Variants in USH2A observed in about 807,000 individuals in gnomAD.
The protein encoded by USH2A is usherin.
Under a neutral mutation model 538.9 loss-of-function variants are expected in USH2A, and 443 were observed. The observed-to-expected ratio is 0.82, with a 90% CI of 0.76 to 0.89. The LOEUF (loss-of-function observed/expected upper bound fraction) is 0.89, where lower values mean the gene tolerates loss of function less well. Among genes scored for constraint, USH2A ranks in the 40% least tolerant of loss-of-function variants. The pLI, the probability that USH2A is intolerant of heterozygous loss-of-function variation, is 0.00. For missense variants in USH2A, 6,633 were observed against 6,324.8 expected, an observed-to-expected ratio of 1.05 and a Z score of -1.65; for synonymous variants, 2,413 against 2,273.5, an observed-to-expected ratio of 1.06 and a Z score of -1.75.
At chr1:215,781,157 C>G (rs759459529) in intron 54 of USH2A, among the ~76,000 whole-genome samples, 2 of 152,034 alleles carry the variant, frequency 1.3e-5, no homozygotes, top group Admixed American at 6.6e-5. Flanking sequence ...TCTCTATTCT[C>G]CTTCCATGTC....
intron 47 of USH2A, among the ~76,000 whole-genome samples, chr1:215,837,183 A>G (rs1029187050): frequency 1.1e-4 from 17 of 152,160 alleles, no homozygotes; most frequent in African/African-American, 4.1e-4. Flanking sequence ...AGATCCAGAA[A>G]TTTCAACATG....
rs747908401 is a variant in USH2A, at chr1:215,741,449, C to G, written c.11637G>C (p.Gly3879=). 1.2e-6 allele frequency: 2 copies of G among 1,613,862 alleles called. No homozygotes were observed. Among genetic ancestry groups the G allele is most frequent in the Admixed American group, 1.7e-5 (1 of 60,002 alleles). ...TCCACTTAATCTCTATGCAAGCTGA[C>G]CCCAGTGCCTTAAGAACAGGAGAAT... ...DLNSPVLKAL[G]SACIEIKWMP... Residue 3879 remains glycine (G), a synonymous_variant, in exon 60 of 72, where the codon GGG becomes GGC. Coordinates refer to ENST00000307340, the MANE Select transcript of USH2A (RefSeq NM_206933.4).
At chr1:216,353,632 C>A (rs1401296549) in intron 4 of USH2A, among the ~76,000 whole-genome samples, 1 of 151,942 alleles carries the variant, frequency 6.6e-6, no homozygotes, top group Non-Finnish European at 1.5e-5. Flanking sequence ...AGTCAGTGAC[C>A]AGCCATAGCT....
chr1:216,058,082 G>A (rs1414364186), intron 30 of USH2A, among the ~76,000 whole-genome samples: 1 of 152,176 alleles, frequency 6.6e-6, no homozygotes, highest in Admixed American at 6.5e-5. Flanking sequence ...GTGAAAATCA[G>A]ACTGGATGGC....
At chr1:215,983,114 A>AAAC (rs1667788541) in intron 35 of USH2A, among the ~76,000 whole-genome samples, 1 of 151,878 alleles carries the variant, frequency 6.6e-6, no homozygotes, top group Non-Finnish European at 1.5e-5. Context: ...CCATGCCCAG[A>AAAC]TAATTTTTGT....
intron 2 of USH2A, among the ~76,000 whole-genome samples, chr1:216,419,975 G>A (rs1001466488): frequency 1.3e-5 from 2 of 152,024 alleles, no homozygotes; most frequent in Admixed American, 6.6e-5. Flanking sequence ...AAAGTTATGA[G>A]TGCAAGTATA....
rs750382057 is a variant in USH2A, at chr1:216,250,958, T to G, written c.2112A>C (p.Gly704=). 27 of 1,613,956 alleles carry G rather than the reference T, an allele frequency of 1.7e-5. No individual in the cohort carries two copies. The highest frequency in any genetic ancestry group is 2.2e-5 in the Non-Finnish European group (26 of 1,180,006). ...CTGAATTTTGGTGACAGGTAATATC[T>G]CCATCCACTGTCCCAGAGGTATTGC... ...CNCNTSGTVD[G]DITCHQNSGQ... is the part of the protein sequence containing the mutation. Residue 704 remains glycine (G), a synonymous_variant, in exon 12 of 72, where the codon GGA becomes GGC. Coordinates refer to ENST00000307340, the MANE Select transcript of USH2A (RefSeq NM_206933.4).
intron 64 of USH2A, among the ~76,000 whole-genome samples, chr1:215,664,354 A>G (rs185228625): frequency 1.1e-4 from 17 of 152,328 alleles, no homozygotes; most frequent in African/African-American, 3.6e-4. Context: ...TTATATTTCC[A>G]TGTGTCCATC....
intron 38 of USH2A, among the ~76,000 whole-genome samples, chr1:215,909,363 T>A (rs1280604091): frequency 6.6e-6 from 1 of 151,826 alleles, no homozygotes; most frequent in African/African-American, 2.4e-5. Flanking sequence ...GACACTATAA[T>A]GGTAAGTACA....
intron 21 of USH2A, among the ~76,000 whole-genome samples, chr1:216,134,856 CAAGTA>C (rs1449386386): frequency 7.2e-5 from 11 of 152,070 alleles, no homozygotes; most frequent in Non-Finnish European, 1.6e-4. Flanking sequence ...GAATCGATGG[CAAGTA>C]AAGAGCTATG....
chr1:215,634,676 T>C lies in USH2A; in HGVS notation c.15080A>G (p.Lys5027Arg), dbSNP rs1487988026. ...LGLVLTTPGK[K>R]KGSRSKSTEF... Reference sequence around the variant, plus strand: ...TGTGCTTTTGCTCCGCGATCCCTTCTTTTTCCCAGGAGTTGTTAGGACCAA... The same window carrying C: ...TGTGCTTTTGCTCCGCGATCCCTTCCTTTTCCCAGGAGTTGTTAGGACCAA... Residue 5027 changes from lysine to arginine, a missense_variant, in exon 70 of 72, where the codon AAG becomes AGG. By Grantham distance (26) the Lys-to-Arg change is conservative. Coordinates refer to ENST00000307340, the MANE Select transcript of USH2A (RefSeq NM_206933.4). 6.2e-7 allele frequency: 1 copy of C among 1,614,214 alleles called. No individual in the cohort carries two copies. Among genetic ancestry groups the C allele is most frequent in the Admixed American group, 1.7e-5 (1 of 60,028 alleles).
chr1:216,157,225 G>A (rs543750891), intron 21 of USH2A, among the ~76,000 whole-genome samples: 1 of 152,262 alleles, frequency 6.6e-6, no homozygotes, highest in Non-Finnish European at 1.5e-5. Context: ...ATGAAAAAAT[G>A]TGCAGCATCA....
chr1:215,838,114 T>G lies in USH2A; in HGVS notation c.9259-11A>C, dbSNP rs777224185. 3.1e-6 allele frequency: 5 copies of G among 1,606,678 alleles called. No individual in the cohort carries two copies. The Admixed American group carries it at 5.0e-5, about 16-fold the overall frequency. On this transcript the variant is annotated splice_polypyrimidine_tract_variant and intron_variant, in intron 46 of 71. Coordinates refer to ENST00000307340, the MANE Select transcript of USH2A (RefSeq NM_206933.4). ...TGTGCAGACTTCAACCTGCAAACAT[T>G]AGTTTAGAAAAAATAAATGCAACCA... is the stretch of plus-strand genomic sequence containing the variant.
At chr1:215,675,988 C>T (rs1003506003) in intron 62 of USH2A, among the ~76,000 whole-genome samples, 1 of 152,036 alleles carries the variant, frequency 6.6e-6, no homozygotes, top group Non-Finnish European at 1.5e-5. Context: ...TGGATATGAA[C>T]TGCTTCTGAT....
intron 3 of USH2A, among the ~76,000 whole-genome samples, chr1:216,378,001 C>T (rs975339099): frequency 2.0e-5 from 3 of 151,718 alleles, no homozygotes; most frequent in African/African-American, 4.8e-5. Flanking sequence ...CTGTGTGCTT[C>T]GGATGGTTCT....
intron 49 of USH2A, among the ~76,000 whole-genome samples, chr1:215,805,120 A>C (rs1241046750): frequency 6.6e-6 from 1 of 151,398 alleles, no homozygotes; most frequent in Non-Finnish European, 1.5e-5. Context: ...AACATTACAC[A>C]CAGGGGCCTG....
intron 4 of USH2A, among the ~76,000 whole-genome samples, chr1:216,354,318 T>C (rs1428288050): frequency 6.6e-6 from 1 of 152,130 alleles, no homozygotes; most frequent in East Asian, 1.9e-4. Context: ...CGCAAAGTGT[T>C]TATCATACAA....
intron 47 of USH2A, among the ~76,000 whole-genome samples, chr1:215,827,597 T>A (rs1323443403): frequency 1.3e-5 from 2 of 152,170 alleles, no homozygotes; most frequent in Non-Finnish European, 2.9e-5. Flanking sequence ...ATCAAATGAG[T>A]AATATTTCCT....
chr1:216,066,263 A>G lies in USH2A; in HGVS notation c.6049+3838T>C, dbSNP rs555533439. 1.7e-4 allele frequency among the ~76,000 whole-genome samples: 26 copies of G among 152,052 alleles called. No homozygotes were observed. In the East Asian group the frequency reaches 1.9e-3, roughly 11 times the overall value. ...AGGTGGGTGAATCACGAGGTCAGGA[A>G]ATCGAGACCATCCTGGCTAACATGG... On this transcript the variant is annotated intron_variant, in intron 30 of 71. Coordinates refer to ENST00000307340, the MANE Select transcript of USH2A (RefSeq NM_206933.4).
Sources: gnomAD v4.1 joint callset for allele counts (sites outside exome capture counted in the v4.1 genomes callset) on GRCh38, gnomAD v4.1.1 for gene constraint, MANE v1.5 for transcripts, NCBI Gene and HGNC (gene_info 2026-07-23, HGNC 2026-07-21) for gene names.